Variants in FBXL17 observed in about 807,000 individuals in gnomAD.
The protein encoded by FBXL17 is F-box/LRR-repeat protein 17.
Under a neutral mutation model 66.2 loss-of-function variants are expected in FBXL17, and 22 were observed. The observed-to-expected ratio is 0.33, with a 90% CI of 0.24 to 0.47. The LOEUF (loss-of-function observed/expected upper bound fraction) is 0.47. FBXL17 is among the 20% of genes least tolerant of loss of function. The probability of loss-of-function intolerance (pLI) is 1.00; values close to 1 mark genes in which losing one functional copy is unlikely to be tolerated. For missense variants in FBXL17, 878 were observed against 948.2 expected (o/e 0.93, Z 0.97); for synonymous variants, 474 against 400.5 (o/e 1.18, Z -2.19).
At chr5:108,380,061 T>TTGAA (rs758042991) in intron 1 of FBXL17, among the ~76,000 whole-genome samples, 2 of 152,196 alleles carry the variant, frequency 1.3e-5, no homozygotes, top group East Asian at 1.9e-4. Context: ...TTCAACCACT[T>TTGAA]CAAGCCCCAC....
rs1239124522 is a variant in FBXL17 at position 107,980,659 on chromosome 5, TA to T, written c.1822+40265del. ...GCCAATAAAATAATATATATATATA[TA>T]TATATTTTTTTTTTGAGATGGAGTC... On this transcript the variant is annotated intron_variant, in intron 7 of 8. Coordinates refer to ENST00000542267, the MANE Select transcript of FBXL17 (RefSeq NM_001163315.3). Among the ~76,000 whole-genome samples, 16 of 90,928 alleles carry T rather than the reference TA, an allele frequency of 1.8e-4. 2 individuals are homozygous for T. Among genetic ancestry groups the T allele is most frequent in the African/African-American group, 1.1e-3 (16 of 15,112 alleles). 59.7% of individuals were successfully genotyped at this position (90,928 alleles called of 152,430 possible).
intron 4 of FBXL17, among the ~76,000 whole-genome samples, chr5:108,312,168 T>C (rs1326066377): frequency 6.6e-6 from 1 of 152,126 alleles, no homozygotes; most frequent in Admixed American, 6.6e-5. Context: ...TAAAAGGCTA[T>C]TGCAGAACAG....
chr5:108,021,214 C>G (rs1434425194), intron 6 of FBXL17, among the ~76,000 whole-genome samples: 1 of 151,070 alleles, frequency 6.6e-6, no homozygotes, highest in Admixed American at 6.6e-5. Context: ...CTTTTAAAAC[C>G]AAACAGCTTA....
chr5:108,160,054 T>C (rs1331852154), intron 6 of FBXL17, among the ~76,000 whole-genome samples: 2 of 152,202 alleles, frequency 1.3e-5, no homozygotes, highest in South Asian at 4.1e-4. Flanking sequence ...ACAGATTATT[T>C]TGCTTTGTCA....
chr5:107,921,719 C>T (rs1165423666), intron 7 of FBXL17, among the ~76,000 whole-genome samples: 1 of 152,172 alleles, frequency 6.6e-6, no homozygotes, highest in African/African-American at 2.4e-5. Flanking sequence ...TTGGGCTTCC[C>T]CTTGGGAAGC....
At chr5:108,147,291 C>G (rs1415190007) in intron 6 of FBXL17, among the ~76,000 whole-genome samples, 7 of 152,202 alleles carry the variant, frequency 4.6e-5, no homozygotes, top group Non-Finnish European at 7.3e-5. Context: ...CTCTGTCTCT[C>G]CTTTGCTATC....
intron 7 of FBXL17, among the ~76,000 whole-genome samples, chr5:107,905,247 TA>T (rs149478631): frequency 0.022 from 3,368 of 152,230 alleles, 125 homozygotes; most frequent in African/African-American, 0.075. Context: ...AGTTTGTAAC[TA>T]ATCATTAACA....
chr5:108,243,849 G>A (rs1755973762), intron 4 of FBXL17, among the ~76,000 whole-genome samples: 2 of 152,068 alleles, frequency 1.3e-5, no homozygotes, highest in Non-Finnish European at 2.9e-5. Context: ...TATACAATTT[G>A]AATTCTGAAT....
At chr5:108,299,478 C>T (rs1758490949) in intron 4 of FBXL17, 2 of 935,054 alleles carry the variant, frequency 2.1e-6, no homozygotes, top group African/African-American at 3.6e-5. Flanking sequence ...AAATCACAAT[C>T]TAAAAGTTAT....
chr5:108,251,133 T>C (rs1756331821), intron 4 of FBXL17, among the ~76,000 whole-genome samples: 1 of 152,086 alleles, frequency 6.6e-6, no homozygotes, highest in Non-Finnish European at 1.5e-5. Context: ...TTAAAAAATA[T>C]GGGCCATTTT....
At chr5:107,967,260 A>T (rs1752179710) in intron 7 of FBXL17, among the ~76,000 whole-genome samples, 2 of 152,000 alleles carry the variant, frequency 1.3e-5, no homozygotes, top group African/African-American at 4.8e-5. Flanking sequence ...ACTGTTGGAC[A>T]GTTGCTCAGT....
chr5:108,264,996 T>C (rs530812426), intron 4 of FBXL17, among the ~76,000 whole-genome samples: 18 of 152,124 alleles, frequency 1.2e-4, no homozygotes, highest in Admixed American at 3.3e-4. Context: ...CTTTTATCTG[T>C]GATCCATCCT....
chr5:107,977,716 T>C (rs1752635669), intron 7 of FBXL17, among the ~76,000 whole-genome samples: 1 of 152,220 alleles, frequency 6.6e-6, no homozygotes, highest in Non-Finnish European at 1.5e-5. Flanking sequence ...TGTACACTTC[T>C]CTGGGCAGGA....
At chr5:108,062,331 T>C (rs986851402) in intron 6 of FBXL17, among the ~76,000 whole-genome samples, 5 of 152,148 alleles carry the variant, frequency 3.3e-5, no homozygotes, top group African/African-American at 1.2e-4. Flanking sequence ...TATTAGCATA[T>C]AGACATCATG....
At chr5:108,049,114 T>C (rs1418195889) in intron 6 of FBXL17, among the ~76,000 whole-genome samples, 3 of 151,472 alleles carry the variant, frequency 2.0e-5, no homozygotes, top group Admixed American at 2.0e-4. Context: ...GGAGAAACCC[T>C]ACAAGCCAGA....
intron 7 of FBXL17, among the ~76,000 whole-genome samples, chr5:107,959,139 C>G (rs1207637848): frequency 6.6e-6 from 1 of 151,992 alleles, no homozygotes; most frequent in East Asian, 1.9e-4. Context: ...GAATTGTTCT[C>G]CTCATAGGTG....
chr5:108,131,568 T>A (rs542645763), intron 6 of FBXL17, among the ~76,000 whole-genome samples: 7 of 152,292 alleles, frequency 4.6e-5, no homozygotes, highest in Non-Finnish European at 8.8e-5. Context: ...GATTTACTTC[T>A]TACCAACTAA....
chr5:107,882,481 T>C (rs554276184), intron 7 of FBXL17, among the ~76,000 whole-genome samples: 2 of 152,164 alleles, frequency 1.3e-5, no homozygotes, highest in Non-Finnish European at 2.9e-5. Flanking sequence ...GAAAATACAA[T>C]AGAGAGACAA....
chr5:108,073,462 C>G (rs1173683913), intron 6 of FBXL17, among the ~76,000 whole-genome samples: 1 of 151,258 alleles, frequency 6.6e-6, no homozygotes, highest in Non-Finnish European at 1.5e-5. Flanking sequence ...CTACAAGGAC[C>G]CAAATTGAAG....
Sources: gnomAD v4.1 joint callset for allele counts (sites outside exome capture counted in the v4.1 genomes callset) on GRCh38, gnomAD v4.1.1 for gene constraint, MANE v1.5 for transcripts, NCBI Gene and HGNC (gene_info 2026-07-23, HGNC 2026-07-21) for gene names.